HOGA1: variants seen among roughly 807,000 people sequenced by gnomAD.
HOGA1 encodes the protein 4-hydroxy-2-oxoglutarate aldolase 1.
Under a neutral mutation model 34.3 loss-of-function variants are expected in HOGA1, and 30 were observed. The ratio of observed to expected loss-of-function variants is 0.87; its 90% CI spans 0.65 to 1.19. The LOEUF (loss-of-function observed/expected upper bound fraction) is 1.19. Ranked by LOEUF, HOGA1 falls within the 50% of genes most tolerant of loss-of-function variation. The probability of loss-of-function intolerance (pLI) is 0.00; values close to 1 mark genes in which losing one functional copy is unlikely to be tolerated. For missense variants in HOGA1, 417 were observed against 436.5 expected (o/e 0.96, Z 0.40); for synonymous variants, 161 against 174.0 (o/e 0.93, Z 0.59).
Position 97,584,714 on chromosome 10 carries a change from C to T in HOGA1, c.11C>T (p.Pro4Leu), listed in dbSNP as rs756272372. 1 of 1,610,670 alleles carries T rather than the reference C, an allele frequency of 6.2e-7. No homozygotes were observed. The highest frequency in any genetic ancestry group is 2.2e-5 in the East Asian group (1 of 44,800). ...AGGCCTCCTGCAGAGATGCTGGGTC[C>T]CCAAGTCTGGTCTTCTGTGAGGCAG... is the stretch of plus-strand genomic sequence containing the variant. MLG[P>L]QVWSSVRQGL... The change falls in exon 1 of 7, where the codon CCC becomes CTC. Residue 4 changes from proline (P) to leucine (L), a missense_variant. Coordinates refer to ENST00000370646, the MANE Select transcript of HOGA1 (RefSeq NM_138413.4).
At chr10:97,586,136 C>CA (rs574023517) in intron 1 of HOGA1, among the ~76,000 whole-genome samples, 23,912 of 136,248 alleles carry the variant, frequency 0.18, 2,186 homozygotes, top group African/African-American at 0.24. Context: ...GACTCCATCT[C>CA]AAAAAAAAAA....
chr10:97,587,541 C>T (rs1217934958), intron 1 of HOGA1, among the ~76,000 whole-genome samples: 1 of 152,120 alleles, frequency 6.6e-6, no homozygotes, highest in South Asian at 2.1e-4. Flanking sequence ...CAGAGTCTTG[C>T]TCTGTCGCTC....
chr10:97,600,001 A>C, intron 4 of HOGA1, 66 bp from the exon 5 acceptor site: 1 of 1,537,784 alleles, frequency 6.5e-7, no homozygotes, highest in Non-Finnish European at 9.0e-7. Context: ...ATTCCACCAC[A>C]CTTACCCGGC....
Position 97,584,791 on chromosome 10 carries a change from G to A in HOGA1, c.88G>A (p.Gly30Arg), listed in dbSNP as rs753970733. The A allele has an allele frequency of 6.2e-6, 10 of 1,613,846 alleles. No homozygotes were observed. The East Asian group carries it at 2.2e-4, about 36-fold the overall frequency. Reference sequence around the variant, plus strand: ...TGTGGGGGTCTGGGCCTCAGGGGAGGGGAAGAAGGTGGACATTGCGGGTAT... The same window carrying A: ...TGTGGGGGTCTGGGCCTCAGGGGAGAGGAAGAAGGTGGACATTGCGGGTAT... Reference protein sequence around the residue: ...RNVGVWASGEGKKVDIAGIYP... With the variant: ...RNVGVWASGERKKVDIAGIYP... The change falls in exon 1 of 7, where the codon GGG becomes AGG. Residue 30 changes from glycine to arginine, a missense_variant. By Grantham distance (125) the Gly-to-Arg change is moderately radical. Transcript: ENST00000370646.
intron 6 of HOGA1, among the ~76,000 whole-genome samples, chr10:97,605,763 C>A (rs370084819): frequency 6.6e-6 from 1 of 151,972 alleles, no homozygotes; most frequent in Non-Finnish European, 1.5e-5. Context: ...ATATTTCTTA[C>A]GCATTTTGAA....
chr10:97,602,212 AT>A (rs1359404864), intron 6 of HOGA1: 5 of 1,531,716 alleles, frequency 3.3e-6, no homozygotes, highest in African/African-American at 1.4e-5. Context: ...GTGCATTAAA[AT>A]TTCCTTGGGG....
Position 97,599,108 on chromosome 10 carries a change from G to A in HOGA1, c.360G>A (p.Glu120=), listed in dbSNP as rs763717667. 1 of 1,613,558 alleles carries A rather than the reference G, an allele frequency of 6.2e-7. No homozygotes were observed. Among genetic ancestry groups the A allele is most frequent in the Non-Finnish European group, 8.5e-7 (1 of 1,180,024 alleles). ...SGCESTQATV[E]MTVSMAQVGA... Reference sequence around the variant, plus strand: ...TGGCAGCCACTCAAGCCACAGTGGAGATGACCGTCAGCATGGCCCAGGTCG... The same window carrying A: ...TGGCAGCCACTCAAGCCACAGTGGAAATGACCGTCAGCATGGCCCAGGTCG... Residue 120 remains glutamate (E), a synonymous_variant, in exon 3 of 7, where the codon GAG becomes GAA. Transcript: ENST00000370646.
At chr10:97,584,952 T>C (rs201467858) in intron 1 of HOGA1, 38 bp downstream of exon 1, 1 of 1,570,004 alleles carries the variant, frequency 6.4e-7, no homozygotes, top group Non-Finnish European at 8.8e-7. Context: ...TGGGGAGATG[T>C]GAGTGGCCCT....
intron 6 of HOGA1, among the ~76,000 whole-genome samples, chr10:97,607,770 C>T (rs73332783): frequency 0.013 from 2,033 of 152,222 alleles, 43 homozygotes; most frequent in African/African-American, 0.047. Flanking sequence ...ACTCCATCTT[C>T]CTGAAAGTAA....
intron 1 of HOGA1, chr10:97,590,649 G>T (rs2041014491): frequency 7.1e-7 from 1 of 1,414,860 alleles, no homozygotes; most frequent in Admixed American, 1.8e-5. Context: ...ACACACGTCT[G>T]TTTTCTCTCC....
At chr10:97,600,244 G>A (rs2041106311) in intron 5 of HOGA1, 81 bp downstream of exon 5, 1 of 1,166,692 alleles carries the variant, frequency 8.6e-7, no homozygotes, top group African/African-American at 1.5e-5. Flanking sequence ...GAGATCGTGA[G>A]GGCTGGGGCT....
chr10:97,593,891 C>T (rs1480236840), intron 1 of HOGA1, among the ~76,000 whole-genome samples: 1 of 151,844 alleles, frequency 6.6e-6, no homozygotes, highest in African/African-American at 2.4e-5. Context: ...TTTTTGAGAC[C>T]GAGTTTCACT....
intron 6 of HOGA1, among the ~76,000 whole-genome samples, chr10:97,608,282 G>C (rs144036460): frequency 9.9e-4 from 151 of 152,120 alleles, no homozygotes; most frequent in Middle Eastern, 6.8e-3. Flanking sequence ...CTTCACTCCA[G>C]CCTGGACAAA....
In HOGA1 at chr10:97,584,784, A is replaced by G. The variant is rs775819365; in HGVS notation, c.81A>G (p.Ser27=). The G allele has an allele frequency of 8.1e-6, 13 of 1,613,800 alleles. No individual in the cohort carries two copies. The highest frequency in any genetic ancestry group is 1.0e-5 in the Non-Finnish European group (12 of 1,179,912). ...CCAGGAATGTGGGGGTCTGGGCCTC[A>G]GGGGAGGGGAAGAAGGTGGACATTG... ...SLSRNVGVWA[S]GEGKKVDIAG... is the part of the protein sequence containing the mutation. Residue 27 remains serine, a synonymous_variant, in exon 1 of 7, where the codon TCA becomes TCG. Transcript: ENST00000370646.
Position 97,601,891 on chromosome 10 carries a change from C to A in HOGA1, c.735C>A (p.Val245=). 1 of 1,612,652 alleles carries A rather than the reference C, an allele frequency of 6.2e-7. No individual in the cohort carries two copies. ...AVGGVCALAN[V]LGAQVCQLER... ...GGGGCGTCTGCGCCCTGGCCAATGT[C>A]CTGGGGGCTCAGGTGTGCCAGCTGG... The change falls in exon 6 of 7, where the codon GTC becomes GTA. Residue 245 remains valine (V), a synonymous_variant. Transcript: ENST00000370646.
intron 6 of HOGA1, among the ~76,000 whole-genome samples, chr10:97,610,565 A>C (rs2041187313): frequency 6.6e-6 from 1 of 152,232 alleles, no homozygotes; most frequent in Non-Finnish European, 1.5e-5. Flanking sequence ...CGGGCAGATC[A>C]CTTGAGGTCA....
At chr10:97,590,546 A>T (rs745631733) in intron 1 of HOGA1, 1 of 1,612,050 alleles carries the variant, frequency 6.2e-7, no homozygotes, top group Non-Finnish European at 8.5e-7. Context: ...CCAGAGCCAC[A>T]GCCTGCCTAA....
At chr10:97,601,765 A>G in intron 5 of HOGA1, 92 bp from the exon 6 acceptor site, 1 of 1,468,262 alleles carries the variant, frequency 6.8e-7, no homozygotes. Context: ...TCTGTATCTA[A>G]TGTCCCCAGG....
chr10:97,596,153 G>A (rs371591833), intron 1 of HOGA1, among the ~76,000 whole-genome samples: 84 of 152,318 alleles, frequency 5.5e-4, no homozygotes, highest in African/African-American at 1.3e-3. Flanking sequence ...CTCCAGCCAG[G>A]CACTTCTTCC....
Sources: gnomAD v4.1 joint callset for allele counts (sites outside exome capture counted in the v4.1 genomes callset) on GRCh38, gnomAD v4.1.1 for gene constraint, MANE v1.5 for transcripts, NCBI Gene and HGNC (gene_info 2026-07-23, HGNC 2026-07-21) for gene names.